The following CHD6 variants were observed in gnomAD, a reference collection of about 807,000 sequenced individuals.
CHD6 encodes ATP-dependent chromatin remodeler CHD6.
Under a neutral mutation model 276.9 loss-of-function variants are expected in CHD6, and 50 were observed. The observed-to-expected ratio is 0.18, with a 90% CI of 0.14 to 0.23. The LOEUF (loss-of-function observed/expected upper bound fraction) is 0.23, where lower values mean the gene tolerates loss of function less well. Ranked by LOEUF, CHD6 falls within the 10% of genes least tolerant of loss-of-function variation. The pLI, the probability that CHD6 is intolerant of heterozygous loss-of-function variation, is 1.00. For synonymous variants in CHD6, 1,173 were observed against 1,229.3 expected (o/e 0.95, Z 0.96); for missense variants, 2,564 against 3,365.8 (o/e 0.76, Z 5.89).
intron 24 of CHD6, 45 bp from the exon 25 acceptor site, chr20:41,445,813 G>A (rs756507906): frequency 2.6e-5 from 33 of 1,248,506 alleles, no homozygotes; most frequent in Non-Finnish European, 3.8e-5. Flanking sequence ...AAAAGCTACT[G>A]GTCCAACCCT....
chr20:41,565,593 A>C (rs2045346571), intron 1 of CHD6, among the ~76,000 whole-genome samples: 1 of 152,250 alleles, frequency 6.6e-6, no homozygotes, highest in Non-Finnish European at 1.5e-5. Flanking sequence ...TCTTAAGATA[A>C]TGAAACTTAG....
intron 16 of CHD6, among the ~76,000 whole-genome samples, chr20:41,476,568 T>A (rs1178605423): frequency 1.3e-5 from 2 of 152,056 alleles, no homozygotes; most frequent in Non-Finnish European, 2.9e-5. Flanking sequence ...TACAAGCATA[T>A]AAAATACTTA....
intron 23 of CHD6, among the ~76,000 whole-genome samples, chr20:41,450,739 G>A (rs1293459244): frequency 6.6e-6 from 1 of 152,234 alleles, no homozygotes; most frequent in African/African-American, 2.4e-5. Flanking sequence ...GCCAGGTTCT[G>A]CGGGAGAGCA....
intron 36 of CHD6, among the ~76,000 whole-genome samples, chr20:41,406,447 G>A (rs1035435320): frequency 6.6e-6 from 1 of 152,196 alleles, no homozygotes; most frequent in African/African-American, 2.4e-5. Flanking sequence ...ACAGAATCCT[G>A]GGGGAGGGCA....
rs1241861903 is a variant in CHD6 at position 41,403,472 on chromosome 20, T to C, written c.*1121A>G. On this transcript the variant is annotated 3_prime_UTR_variant, in exon 37 of 37. Transcript: ENST00000373233. ...TTGCAATGTAGTTTCGATTAACTGA[T>C]AATTTGGAATTTGGGTCCAACTGTA... 3.6e-5 allele frequency: 38 copies of C among 1,062,048 alleles called. No individual in the cohort carries two copies. The highest frequency in any genetic ancestry group is 4.2e-5 in the Non-Finnish European group (37 of 877,410). The allele number at this position is 1,062,048 out of a possible 1,614,324, so 65.8% of individuals were successfully genotyped here. A position where few individuals can be genotyped will look rare whatever the true frequency, so the allele number is the denominator to read the frequency against.
In CHD6 at chr20:41,403,822, G is replaced by A. The variant is rs1178636313; in HGVS notation, c.*771C>T. On this transcript the variant is annotated 3_prime_UTR_variant, in exon 37 of 37. Transcript: ENST00000373233. ...AGCAGCGTGTAGCTCTACGGAGCGC[G>A]GGTCCTTGCCCCACCCCCGTCGACA... The A allele has an allele frequency of 7.6e-6, 8 of 1,057,114 alleles. No homozygotes were observed. The highest frequency in any genetic ancestry group is 8.0e-6 in the Non-Finnish European group (7 of 874,232). 65.5% of individuals were successfully genotyped at this position (1,057,114 alleles called of 1,614,324 possible).
At chr20:41,570,614 A>G (rs1460735582) in intron 1 of CHD6, among the ~76,000 whole-genome samples, 1 of 152,214 alleles carries the variant, frequency 6.6e-6, no homozygotes, top group Non-Finnish European at 1.5e-5. Flanking sequence ...GCCTTCTGTG[A>G]TATGTTTGCA....
chr20:41,426,195 TA>T (rs768207486), intron 27 of CHD6, 42 bp from the exon 28 acceptor site: 6 of 1,370,608 alleles, frequency 4.4e-6, no homozygotes, highest in Non-Finnish European at 6.3e-6. Context: ...AACTGCAGCT[TA>T]GAAGAAACCA....
intron 27 of CHD6, among the ~76,000 whole-genome samples, chr20:41,431,875 C>A (rs1463784116): frequency 6.8e-6 from 1 of 146,724 alleles, no homozygotes; most frequent in Non-Finnish European, 1.5e-5. Flanking sequence ...TCAAAAAAAA[C>A]CTTCCGGGCG....
At chr20:41,550,493 C>T (rs1026342934) in intron 2 of CHD6, among the ~76,000 whole-genome samples, 5 of 152,128 alleles carry the variant, frequency 3.3e-5, no homozygotes, top group Admixed American at 1.3e-4. Context: ...TAACCCATAA[C>T]CCTAAGTTAC....
chr20:41,604,784 G>C (rs888188184), intron 1 of CHD6, among the ~76,000 whole-genome samples: 2 of 152,094 alleles, frequency 1.3e-5, no homozygotes, highest in East Asian at 1.9e-4. Context: ...AGGAAGCTGG[G>C]CCACACCATT....
intron 25 of CHD6, among the ~76,000 whole-genome samples, chr20:41,441,097 G>A (rs1334665408): frequency 2.6e-5 from 4 of 152,154 alleles, no homozygotes; most frequent in Non-Finnish European, 5.9e-5. Flanking sequence ...CCCACATGAG[G>A]TACCTGGCAC....
intron 17 of CHD6, among the ~76,000 whole-genome samples, chr20:41,465,034 G>A (rs1275491448): frequency 2.0e-5 from 3 of 152,132 alleles, no homozygotes; most frequent in Admixed American, 6.5e-5. Context: ...GGACAACTTC[G>A]TTATAATAGA....
rs922077890 is a variant in CHD6 at position 41,417,293 on chromosome 20, C to T, written c.6184G>A (p.Gly2062Arg). 3.4e-5 allele frequency: 55 copies of T among 1,614,178 alleles called. No individual in the cohort carries two copies. The East Asian group carries it at 3.6e-4, about 10-fold the overall frequency. The change falls in exon 32 of 37, where the codon GGA becomes AGA. Residue 2062 changes from glycine (G) to arginine (R), a missense_variant. Transcript: ENST00000373233. Reference sequence around the variant, plus strand: ...TCCTGTAGCTCATCCCCAATGTCTCCTGTGATGCCCGATGTTGAGCTCTTG... The same window carrying T: ...TCCTGTAGCTCATCCCCAATGTCTCTTGTGATGCCCGATGTTGAGCTCTTG... ...ESKSSTSGIT[G>R]DIGDELQEAR...
chr20:41,553,372 CTT>C (rs968659972), intron 1 of CHD6, among the ~76,000 whole-genome samples: 8 of 152,238 alleles, frequency 5.3e-5, no homozygotes, highest in East Asian at 1.9e-4. Context: ...GCTAATAACT[CTT>C]TGTCAGGCCC....
At chr20:41,433,158 C>T (rs1373205467) in intron 27 of CHD6, among the ~76,000 whole-genome samples, 1 of 151,632 alleles carries the variant, frequency 6.6e-6, no homozygotes, top group African/African-American at 2.4e-5. Flanking sequence ...TTATTGGTTT[C>T]CCAGAAGGCG....
In CHD6 at chr20:41,564,258, C is replaced by A. The variant is rs895421000; in HGVS notation, c.-23-12898G>T. Reference sequence around the variant, plus strand: ...AATGATCTAGATGACATTTTCTCTTCCCGTTTTCCAAAACAGCATATAAGA... The same window carrying A: ...AATGATCTAGATGACATTTTCTCTTACCGTTTTCCAAAACAGCATATAAGA... On this transcript the variant is annotated intron_variant, in intron 1 of 36. Transcript: ENST00000373233. 44 of 577,188 alleles carry A rather than the reference C, an allele frequency of 7.6e-5. 2 individuals carry two copies. In the South Asian group the frequency reaches 9.4e-4, roughly 12 times the overall value. 35.8% of individuals were successfully genotyped at this position (577,188 alleles called of 1,614,324 possible). A position where few individuals can be genotyped will look rare whatever the true frequency, so the allele number is the denominator to read the frequency against.
intron 2 of CHD6, among the ~76,000 whole-genome samples, chr20:41,549,223 G>A (rs1207185826): frequency 6.6e-6 from 1 of 151,970 alleles, no homozygotes; most frequent in Admixed American, 6.5e-5. Context: ...ATTCACAATA[G>A]CAAAGACTTG....
chr20:41,442,084 G>T (rs985070631), intron 25 of CHD6, among the ~76,000 whole-genome samples: 1 of 152,084 alleles, frequency 6.6e-6, no homozygotes, highest in African/African-American at 2.4e-5. Context: ...CTTGGAGATC[G>T]ATCTATGGCT....
Sources: allele counts gnomAD v4.1 joint callset (sites outside exome capture counted in the v4.1 genomes callset), GRCh38; gene constraint gnomAD v4.1.1; transcripts MANE v1.5; gene names NCBI Gene and HGNC (gene_info 2026-07-23, HGNC 2026-07-21).